Variants in BCR observed in about 807,000 individuals in gnomAD.
BCR encodes BCR activator of RhoGEF and GTPase.
A neutral mutation model predicts 138.6 loss-of-function variants in BCR; 58 were observed. The observed-to-expected ratio is 0.42, with a 90% CI of 0.34 to 0.52. The LOEUF (loss-of-function observed/expected upper bound fraction) is 0.52. BCR is among the 20% of genes least tolerant of loss of function. BCR has a pLI of 0.06. For synonymous variants in BCR, 786 were observed against 730.1 expected (o/e 1.08, Z -1.23); for missense variants, 1,599 against 1,727.2 (o/e 0.93, Z 1.32).
chr22:23,185,978 C>T (rs1490140557), intron 1 of BCR, among the ~76,000 whole-genome samples: 1 of 149,462 alleles, frequency 6.7e-6, no homozygotes, highest in East Asian at 2.0e-4. Flanking sequence ...TTCCGCCCGC[C>T]TCAGCCTCCG....
At chr22:23,220,663 G>A (rs2072814340) in intron 1 of BCR, among the ~76,000 whole-genome samples, 1 of 152,122 alleles carries the variant, frequency 6.6e-6, no homozygotes, top group Non-Finnish European at 1.5e-5. Context: ...ACTCCTTGCA[G>A]CATGCTTCTG....
chr22:23,296,394 AAATACCAAGTGCCAGGAAG>A (rs2073846024), intron 16 of BCR, among the ~76,000 whole-genome samples: 1 of 151,632 alleles, frequency 6.6e-6, no homozygotes, highest in South Asian at 2.1e-4. Context: ...AAAAAAAAAA[AAATACCAAGTGCCAGGAAG>A]AATGAAGGGA....
chr22:23,240,343 G>A (rs368854435), intron 1 of BCR, among the ~76,000 whole-genome samples: 1 of 137,952 alleles, frequency 7.2e-6, no homozygotes. Flanking sequence ...GTGTGTGTGT[G>A]TCTGTCTATG....
At chr22:23,210,959 G>GA (rs1248751878) in intron 1 of BCR, among the ~76,000 whole-genome samples, 1 of 152,120 alleles carries the variant, frequency 6.6e-6, no homozygotes, top group Non-Finnish European at 1.5e-5. Context: ...ATTCAGTGGT[G>GA]GTTAGTATTA....
intron 1 of BCR, among the ~76,000 whole-genome samples, chr22:23,243,240 G>A (rs1244427398): frequency 3.9e-5 from 6 of 152,104 alleles, no homozygotes; most frequent in African/African-American, 1.4e-4. Context: ...CTGTGGGACG[G>A]GGCTGGTTGC....
chr22:23,197,406 C>T (rs1397735447), intron 1 of BCR, among the ~76,000 whole-genome samples: 1 of 152,154 alleles, frequency 6.6e-6, no homozygotes, highest in Non-Finnish European at 1.5e-5. Context: ...AATATAAATG[C>T]TTTGTAAATA....
intron 1 of BCR, among the ~76,000 whole-genome samples, chr22:23,195,420 CAAAAAAAAAA>C (rs529306820): frequency 2.2e-5 from 2 of 92,296 alleles, no homozygotes; most frequent in East Asian, 6.0e-4. Context: ...AACTCCGTCT[CAAAAAAAAAA>C]AAAAAAAAAA....
At chr22:23,272,583 C>T (rs2073522095) in intron 6 of BCR, among the ~76,000 whole-genome samples, 1 of 152,140 alleles carries the variant, frequency 6.6e-6, no homozygotes, top group Admixed American at 6.5e-5. Flanking sequence ...TGTCCTCGGG[C>T]AGGTCGCCAG....
rs559913112 is a variant in BCR, at chr22:23,299,098, G to A, written c.3012+3943G>A. On this transcript the variant is annotated intron_variant, in intron 16 of 22. Transcript: ENST00000305877. ...TGCAAGCTCCGCCTCCTGGGTTCAC[G>A]CCATTCTCCTGCCTCAGCCTCCCGA... 1.1e-3 allele frequency among the ~76,000 whole-genome samples: 173 copies of A among 152,224 alleles called. 1 individual carries two copies. The highest frequency in any genetic ancestry group is 3.8e-3 in the African/African-American group (157 of 41,536).
At chr22:23,294,688 C>T (rs1252335505) in intron 15 of BCR, among the ~76,000 whole-genome samples, 12 of 152,208 alleles carry the variant, frequency 7.9e-5, no homozygotes, top group Non-Finnish European at 1.3e-4. Flanking sequence ...TGTGAGCCAC[C>T]GTGCCCAGCC....
Position 23,314,750 on chromosome 22 carries a change from A to G in BCR, c.3726+36A>G, listed in dbSNP as rs201753771. 2,089 of 1,606,096 alleles carry G rather than the reference A, an allele frequency of 1.3e-3. 11 individuals are homozygous for G. The highest frequency in any genetic ancestry group is 1.5e-3 in the South Asian group (136 of 90,790). ...ACAGGCTCCAGCCCATGCAACCCTGACCTGACAGAGGTGGCCTCTGCCTGC... is the reference window on the plus strand; with the variant it reads ...ACAGGCTCCAGCCCATGCAACCCTGGCCTGACAGAGGTGGCCTCTGCCTGC... On this transcript the variant is annotated intron_variant, in intron 22 of 22. Transcript: ENST00000305877.
At chr22:23,314,342 GTCACATCAAGTAGGAGACC>G (rs1478888773) in intron 21 of BCR, among the ~76,000 whole-genome samples, 191 bp from the exon 22 acceptor site, 1 of 152,170 alleles carries the variant, frequency 6.6e-6, no homozygotes, top group East Asian at 1.9e-4. Context: ...TTCCCTCCGA[GTCACATCAAGTAGGAGACC>G]TCCCCACCAG....
At chr22:23,203,359 C>A (rs754452628) in intron 1 of BCR, among the ~76,000 whole-genome samples, 2 of 152,204 alleles carry the variant, frequency 1.3e-5, no homozygotes, top group Non-Finnish European at 2.9e-5. Context: ...TTGCCTCCTT[C>A]TGTTCACAGG....
intron 13 of BCR, 144 bp downstream of exon 13, chr22:23,289,765 C>CT (rs2073763121): frequency 2.8e-6 from 2 of 724,380 alleles, no homozygotes; most frequent in Non-Finnish European, 4.8e-6. Context: ...GTTAGGGCCT[C>CT]TTGTCTCCTC....
intron 18 of BCR, among the ~76,000 whole-genome samples, chr22:23,311,264 G>A (rs1291606258): frequency 2.7e-5 from 4 of 148,360 alleles, no homozygotes; most frequent in East Asian, 4.0e-4. Context: ...TTCATTCGTC[G>A]GATGTGTGTT....
chr22:23,293,021 G>A (rs1289824693), intron 15 of BCR, among the ~76,000 whole-genome samples: 1 of 152,080 alleles, frequency 6.6e-6, no homozygotes, highest in Non-Finnish European at 1.5e-5. Context: ...GGGCTCTGCT[G>A]GTGGGGCTGG....
At chr22:23,221,580 C>T (rs898961148) in intron 1 of BCR, among the ~76,000 whole-genome samples, 1 of 152,212 alleles carries the variant, frequency 6.6e-6, no homozygotes, top group Non-Finnish European at 1.5e-5. Context: ...AGAGGCCACA[C>T]GAGGATGCTC....
chr22:23,311,277 G>A (rs1198201666), intron 18 of BCR, among the ~76,000 whole-genome samples: 2 of 149,024 alleles, frequency 1.3e-5, no homozygotes, highest in East Asian at 3.9e-4. Flanking sequence ...TGTGTGTTAA[G>A]GCCCAGGCCC....
intron 16 of BCR, among the ~76,000 whole-genome samples, chr22:23,301,860 A>C (rs902697174): frequency 1.1e-4 from 16 of 152,082 alleles, no homozygotes; most frequent in Non-Finnish European, 2.2e-4. Flanking sequence ...CGCTCACTCA[A>C]ATGGCTCATT....
Sources: allele counts gnomAD v4.1 joint callset (sites outside exome capture counted in the v4.1 genomes callset), GRCh38; gene constraint gnomAD v4.1.1; transcripts MANE v1.5; gene names NCBI Gene and HGNC (gene_info 2026-07-23, HGNC 2026-07-21).